WWOX: variants seen among roughly 807,000 people sequenced by gnomAD.
WWOX encodes the protein WW domain-containing oxidoreductase.
WWOX carries 69 observed loss-of-function variants against 46.2 expected under a neutral mutation model. That is an observed-to-expected ratio of 1.49 (90% confidence interval 1.23 to 1.82). WWOX has a LOEUF of 1.82. Ranked by LOEUF, WWOX falls within the 40% of genes most tolerant of loss-of-function variation. WWOX has a pLI of 0.00. For missense variants in WWOX, 919 were observed against 542.6 expected (o/e 1.69, Z -6.89); for synonymous variants, 359 against 202.6 (o/e 1.77, Z -6.56).
chr16:78,484,864 C>T (rs1013666155), intron 8 of WWOX, among the ~76,000 whole-genome samples: 1 of 152,122 alleles, frequency 6.6e-6, no homozygotes, highest in Admixed American at 6.5e-5. Context: ...TTGCATTTGT[C>T]TCCATTTCTG....
chr16:78,829,700 G>T (rs2051762436), intron 8 of WWOX, among the ~76,000 whole-genome samples: 1 of 152,104 alleles, frequency 6.6e-6, no homozygotes, highest in Admixed American at 6.6e-5. Flanking sequence ...TCCCCTAACA[G>T]GTCTAGGAGT....
At chr16:78,431,218 T>TA (rs1332954110) in intron 7 of WWOX, among the ~76,000 whole-genome samples, 1 of 152,238 alleles carries the variant, frequency 6.6e-6, no homozygotes, top group Non-Finnish European at 1.5e-5. Context: ...ATCAACTAGT[T>TA]ACGTTGATTT....
intron 8 of WWOX, among the ~76,000 whole-genome samples, chr16:78,588,736 C>T (rs17778125): frequency 0.04 from 6,156 of 152,210 alleles, 224 homozygotes; most frequent in East Asian, 0.16. Flanking sequence ...ATTGACGTAG[C>T]ATCACTTTAT....
chr16:79,151,694 C>G (rs1000604688), intron 8 of WWOX, among the ~76,000 whole-genome samples: 6 of 152,180 alleles, frequency 3.9e-5, no homozygotes, highest in Non-Finnish European at 7.3e-5. Flanking sequence ...AGTGGCCACC[C>G]TATCTCGTGT....
intron 7 of WWOX, among the ~76,000 whole-genome samples, chr16:78,425,588 T>C (rs892005259): frequency 3.3e-5 from 5 of 152,200 alleles, no homozygotes; most frequent in African/African-American, 9.7e-5. Context: ...AAACATCAGA[T>C]GGCACTTTTT....
chr16:78,913,062 A>G (rs2045153413), intron 8 of WWOX, among the ~76,000 whole-genome samples: 1 of 151,962 alleles, frequency 6.6e-6, no homozygotes, highest in Non-Finnish European at 1.5e-5. Flanking sequence ...TTAATGAATT[A>G]ACCCTTTGGA....
intron 4 of WWOX, among the ~76,000 whole-genome samples, chr16:78,149,990 A>C (rs1470166923): frequency 9.2e-5 from 14 of 152,136 alleles, no homozygotes. Context: ...CCTACAATTC[A>C]GTTTTGACAC....
chr16:78,143,269 C>T (rs912253769), intron 4 of WWOX, among the ~76,000 whole-genome samples: 3 of 152,182 alleles, frequency 2.0e-5, no homozygotes, highest in African/African-American at 7.2e-5. Flanking sequence ...TTGTCATCCA[C>T]ATGGGTTCTG....
intron 8 of WWOX, among the ~76,000 whole-genome samples, chr16:78,635,086 C>T (rs2046536087): frequency 6.6e-6 from 1 of 152,088 alleles, no homozygotes; most frequent in Admixed American, 6.5e-5. Flanking sequence ...GAAACCTTGC[C>T]CAATGTGATT....
chr16:78,820,340 G>C (rs1044857066), intron 8 of WWOX, among the ~76,000 whole-genome samples: 1 of 152,184 alleles, frequency 6.6e-6, no homozygotes, highest in African/African-American at 2.4e-5. Context: ...TCCAACAGTG[G>C]AAGTGGTGCC....
intron 4 of WWOX, among the ~76,000 whole-genome samples, chr16:78,144,279 C>T (rs1017879879): frequency 1.1e-4 from 17 of 150,316 alleles, no homozygotes; most frequent in Non-Finnish European, 1.3e-4. Flanking sequence ...TCTATTTAGT[C>T]TTCAGTACAA....
At chr16:78,361,258 G>T (rs12444202) in intron 5 of WWOX, among the ~76,000 whole-genome samples, 1 of 152,064 alleles carries the variant, frequency 6.6e-6, no homozygotes, top group South Asian at 2.1e-4. Context: ...ATGATGTGGT[G>T]TCTTTCTTAG....
chr16:78,922,560 G>C (rs1210595411), intron 8 of WWOX, among the ~76,000 whole-genome samples: 1 of 152,048 alleles, frequency 6.6e-6, no homozygotes, highest in Non-Finnish European at 1.5e-5. Flanking sequence ...TGTATTTTTA[G>C]TAGAGACAGG....
intron 8 of WWOX, among the ~76,000 whole-genome samples, chr16:78,700,469 C>G (rs1597462122): frequency 6.6e-6 from 1 of 152,078 alleles, no homozygotes; most frequent in Admixed American, 6.5e-5. Flanking sequence ...TCTAGTTTAA[C>G]ATATGCATTT....
chr16:79,173,831 C>G (rs1422113476), intron 8 of WWOX, among the ~76,000 whole-genome samples: 1 of 143,088 alleles, frequency 7.0e-6, no homozygotes, highest in Non-Finnish European at 1.5e-5. Flanking sequence ...GAGAGATACT[C>G]TCTGACTAGA....
chr16:78,824,737 C>G (rs1331898461), intron 8 of WWOX, among the ~76,000 whole-genome samples: 1 of 152,120 alleles, frequency 6.6e-6, no homozygotes, highest in Non-Finnish European at 1.5e-5. Context: ...GCAGGAAAGA[C>G]CGGCCCACAT....
chr16:78,316,642 C>G (rs1261634415), intron 5 of WWOX, among the ~76,000 whole-genome samples: 1 of 151,936 alleles, frequency 6.6e-6, no homozygotes, highest in Non-Finnish European at 1.5e-5. Context: ...GGTGCCTGGC[C>G]AAGTCTGTTT....
chr16:78,149,003 A>AT (rs1825059002), intron 4 of WWOX, among the ~76,000 whole-genome samples: 1 of 124,898 alleles, frequency 8.0e-6, no homozygotes, highest in Admixed American at 8.2e-5. Flanking sequence ...TTTATGTTTT[A>AT]TTTTTTTGAG....
chr16:78,934,425 C>T (rs954348045), intron 8 of WWOX, among the ~76,000 whole-genome samples: 3 of 143,592 alleles, frequency 2.1e-5, no homozygotes, highest in Non-Finnish European at 4.5e-5. Context: ...AGGAGGATCA[C>T]TTGAGTCCAG....
Sources: gnomAD v4.1 joint callset for allele counts (sites outside exome capture counted in the v4.1 genomes callset) on GRCh38, gnomAD v4.1.1 for gene constraint, MANE v1.5 for transcripts, NCBI Gene and HGNC (gene_info 2026-07-23, HGNC 2026-07-21) for gene names.